Variants in TTC8 observed in about 807,000 individuals in gnomAD.
The protein encoded by TTC8 is tetratricopeptide repeat domain 8.
Under a neutral mutation model 72.5 loss-of-function variants are expected in TTC8, and 47 were observed. The ratio of observed to expected loss-of-function variants is 0.65; its 90% CI spans 0.51 to 0.83. The LOEUF (loss-of-function observed/expected upper bound fraction) is 0.83, where lower values mean the gene tolerates loss of function less well. Ranked by LOEUF, TTC8 falls within the 40% of genes least tolerant of loss-of-function variation. The pLI is 0.00. For missense variants in TTC8, 611 were observed against 623.2 expected, an observed-to-expected ratio of 0.98 and a Z score of 0.21; for synonymous variants, 199 against 221.4, an observed-to-expected ratio of 0.90 and a Z score of 0.90.
chr14:88,863,826 C>T lies in TTC8; in HGVS notation c.909+2494C>T, dbSNP rs542899694. Among the ~76,000 whole-genome samples, 4 of 152,230 alleles carry T rather than the reference C, an allele frequency of 2.6e-5. No individual in the cohort carries two copies. In the South Asian group the frequency reaches 8.3e-4, roughly 32 times the overall value. On this transcript the variant is annotated intron_variant, in intron 10 of 14. Coordinates refer to ENST00000380656, the MANE Select transcript of TTC8 (RefSeq NM_144596.4). ...GATAGGAATGTATTACTTTTTAAAA[C>T]TTTTTTTGATACTAGCAACTCTTTA...
intron 1 of TTC8, among the ~76,000 whole-genome samples, chr14:88,828,108 G>T (rs1312560708): frequency 6.6e-6 from 1 of 152,148 alleles, no homozygotes; most frequent in Non-Finnish European, 1.5e-5. Context: ...AGCACCATAT[G>T]TTCTTAAATG....
chr14:88,833,181 A>C (rs1235843099), intron 1 of TTC8, among the ~76,000 whole-genome samples: 4 of 152,204 alleles, frequency 2.6e-5, no homozygotes, highest in African/African-American at 4.8e-5. Context: ...GTAAGTGTAG[A>C]TGTTTTATAA....
chr14:88,868,967 C>G (rs953833649), intron 10 of TTC8, among the ~76,000 whole-genome samples: 2 of 152,040 alleles, frequency 1.3e-5, no homozygotes, highest in Admixed American at 6.6e-5. Flanking sequence ...ATGAGTATGT[C>G]TAAATATCAG....
chr14:88,849,879 T>C (rs2094825728), intron 7 of TTC8, among the ~76,000 whole-genome samples: 1 of 152,226 alleles, frequency 6.6e-6, no homozygotes, highest in African/African-American at 2.4e-5. Flanking sequence ...AAAACTAAAG[T>C]GGCATGTGGG....
intron 7 of TTC8, 78 bp downstream of exon 7, chr14:88,843,928 T>G: frequency 9.6e-7 from 1 of 1,044,260 alleles, no homozygotes; most frequent in Non-Finnish European, 1.4e-6. Flanking sequence ...AATATTCTAT[T>G]TCTGACCTTA....
At chr14:88,846,069 G>A (rs1488368067) in intron 7 of TTC8, among the ~76,000 whole-genome samples, 1 of 152,146 alleles carries the variant, frequency 6.6e-6, no homozygotes, top group Non-Finnish European at 1.5e-5. Context: ...CACTTTGGGA[G>A]GCTGAGGCAG....
intron 1 of TTC8, among the ~76,000 whole-genome samples, chr14:88,825,884 G>C (rs2094697374): frequency 6.6e-6 from 1 of 152,172 alleles, no homozygotes; most frequent in Non-Finnish European, 1.5e-5. Context: ...TACGTTAGTG[G>C]TAATACAAAG....
At chr14:88,846,128 G>A (rs1325357301) in intron 7 of TTC8, among the ~76,000 whole-genome samples, 2 of 151,902 alleles carry the variant, frequency 1.3e-5, no homozygotes, top group Non-Finnish European at 2.9e-5. Context: ...GCAACGTGGC[G>A]AAACCCTGTC....
In TTC8 at chr14:88,833,740, T is replaced by C. The variant is rs1225511775; in HGVS notation, c.144+18T>C. Reference sequence around the variant, plus strand: ...TGCATCAGGTAAAGAAAGGTTTAGCTGCAACCTTTAGTTTAGAGAATTCTT... The same window carrying C: ...TGCATCAGGTAAAGAAAGGTTTAGCCGCAACCTTTAGTTTAGAGAATTCTT... On this transcript the variant is annotated intron_variant, in intron 2 of 14. Coordinates refer to ENST00000380656, the MANE Select transcript of TTC8 (RefSeq NM_144596.4). 1.2e-6 allele frequency: 2 copies of C among 1,611,438 alleles called. No homozygotes were observed. The highest frequency in any genetic ancestry group is 3.3e-5 in the Admixed American group (2 of 60,002).
At chr14:88,829,739 G>A (rs928430349) in intron 1 of TTC8, among the ~76,000 whole-genome samples, 32 of 152,134 alleles carry the variant, frequency 2.1e-4, no homozygotes, top group African/African-American at 7.7e-4. Flanking sequence ...GGTTATTATT[G>A]TAAATGGTTT....
chr14:88,843,868 G>A lies in TTC8; in HGVS notation c.624+18G>A. 1.3e-6 allele frequency: 2 copies of A among 1,539,686 alleles called. No homozygotes were observed. Among genetic ancestry groups the A allele is most frequent in the East Asian group, 2.3e-5 (1 of 43,948 alleles). ...TTAAGACTGTAAGTTTTGAATTCATGCTATTTTCTTTTATTGTAATTTTTC... is the reference window on the plus strand; with the variant it reads ...TTAAGACTGTAAGTTTTGAATTCATACTATTTTCTTTTATTGTAATTTTTC... On this transcript the variant is annotated intron_variant, in intron 7 of 14. Coordinates refer to ENST00000380656, the MANE Select transcript of TTC8 (RefSeq NM_144596.4).
intron 2 of TTC8, chr14:88,837,061 CA>C: frequency 1.5e-5 from 4 of 270,940 alleles, no homozygotes; most frequent in Non-Finnish European, 3.0e-5. Context: ...AACTCCATCT[CA>C]AAAAGTAAAT....
At chr14:88,853,950 A>T (rs1014482145) in intron 8 of TTC8, among the ~76,000 whole-genome samples, 1 of 152,208 alleles carries the variant, frequency 6.6e-6, no homozygotes, top group East Asian at 1.9e-4. Flanking sequence ...TTCAATATTT[A>T]TAAGCTTCAG....
chr14:88,871,529 G>T lies in TTC8; in HGVS notation c.1050-20G>T. On this transcript the variant is annotated intron_variant, in intron 11 of 14. Transcript: ENST00000380656. The surrounding 1 kb of genome is among the most constrained non-coding windows in gnomAD (Gnocchi z 4.1). ...CAAAGTTGGTCTGACACCAAAATTT[G>T]TGTGTTCTTTTTTGAAAAGGCGGCT... The T allele has an allele frequency of 6.2e-7, 1 of 1,612,736 alleles. No homozygotes were observed. The highest frequency in any genetic ancestry group is 8.5e-7 in the Non-Finnish European group (1 of 1,179,848).
Position 88,870,144 on chromosome 14 carries a change from T to C in TTC8, c.995T>C (p.Ile332Thr). 6.2e-7 allele frequency: 1 copy of C among 1,614,108 alleles called. No homozygotes were observed. Among genetic ancestry groups the C allele is most frequent in the Non-Finnish European group, 8.5e-7 (1 of 1,179,946 alleles). The change falls in exon 11 of 15, where the codon ATT becomes ACT. Residue 332 changes from isoleucine (I) to threonine (T), a missense_variant. Coordinates refer to ENST00000380656, the MANE Select transcript of TTC8 (RefSeq NM_144596.4). ...ACTCATGTGGAAGCCATCGCATGCA[T>C]TGGAAGCAACCACTTCTATTCTGAT... is the stretch of plus-strand genomic sequence containing the variant. ...DNTHVEAIACIGSNHFYSDQP... is the reference protein window; with the variant it reads ...DNTHVEAIACTGSNHFYSDQP...
chr14:88,824,829 C>T lies in TTC8; in HGVS notation c.114+8C>T, dbSNP rs768129113. 2 of 1,608,466 alleles carry T rather than the reference C, an allele frequency of 1.2e-6. No individual in the cohort carries two copies. The highest frequency in any genetic ancestry group is 1.1e-5 in the South Asian group (1 of 90,356). ...AAGTCCCCTTATGACCAGGTACCGGCCAGCTCCCGTCAGCCTGTGCATCCT... is the reference window on the plus strand; with the variant it reads ...AAGTCCCCTTATGACCAGGTACCGGTCAGCTCCCGTCAGCCTGTGCATCCT... On this transcript the variant is annotated splice_region_variant and intron_variant, in intron 1 of 14. Coordinates refer to ENST00000380656, the MANE Select transcript of TTC8 (RefSeq NM_144596.4).
chr14:88,839,733 G>A (rs576266377), intron 3 of TTC8, among the ~76,000 whole-genome samples, 161 bp downstream of exon 3: 5 of 152,102 alleles, frequency 3.3e-5, no homozygotes, highest in African/African-American at 1.2e-4. Context: ...CAAGTAAATG[G>A]TTTCTGTTCT....
intron 3 of TTC8, 94 bp downstream of exon 3, chr14:88,839,666 C>A: frequency 1.5e-6 from 2 of 1,348,074 alleles, no homozygotes; most frequent in Non-Finnish European, 2.1e-6. Context: ...TATTTCTACA[C>A]TTTATATATA....
intron 6 of TTC8, among the ~76,000 whole-genome samples, chr14:88,842,614 T>C (rs988767840): frequency 1.3e-5 from 2 of 152,206 alleles, no homozygotes; most frequent in Non-Finnish European, 2.9e-5. Context: ...TTGCTATTTT[T>C]TGACCAGAGA....
Sources: allele counts gnomAD v4.1 joint callset (sites outside exome capture counted in the v4.1 genomes callset), GRCh38; gene constraint gnomAD v4.1.1; non-coding constraint Gnocchi (gnomAD v3.1); transcripts MANE v1.5; gene names NCBI Gene and HGNC (gene_info 2026-07-23, HGNC 2026-07-21).